Variants in CNTNAP3 observed in about 807,000 individuals in gnomAD.
CNTNAP3 encodes the protein contactin-associated protein-like 3.
CNTNAP3 carries 36 observed loss-of-function variants against 92.1 expected under a neutral mutation model. The observed-to-expected ratio is 0.39, with a 90% CI of 0.30 to 0.52. CNTNAP3 has a LOEUF of 0.52. CNTNAP3 is among the 20% of genes least tolerant of loss of function. CNTNAP3 has a pLI of 0.76. For missense variants in CNTNAP3, 534 were observed against 1,069.6 expected (o/e 0.50, Z 6.98); for synonymous variants, 232 against 422.3 (o/e 0.55, Z 5.53).
chr9:39,131,748 T>A (rs1821299143), intron 13 of CNTNAP3, among the ~76,000 whole-genome samples: 3 of 151,998 alleles, frequency 2.0e-5, no homozygotes, highest in Admixed American at 6.6e-5. Flanking sequence ...ATCGCTTGAA[T>A]CCGGGAGGGG....
intron 9 of CNTNAP3, chr9:39,154,886 A>G (rs1237042212): frequency 4.5e-6 from 1 of 223,666 alleles, no homozygotes. Context: ...GAAGACTAGC[A>G]GATCAGGCGG....
intron 1 of CNTNAP3, 66 bp downstream of exon 1, chr9:39,287,914 T>TATA: frequency 8.7e-6 from 2 of 228,824 alleles, no homozygotes; most frequent in Non-Finnish European, 1.6e-5. Flanking sequence ...TTACCGATAA[T>TATA]AAAAAAAAAA....
intron 9 of CNTNAP3, among the ~76,000 whole-genome samples, chr9:39,152,500 T>A (rs1821864163): frequency 6.8e-6 from 1 of 147,422 alleles, no homozygotes; most frequent in African/African-American, 2.6e-5. Context: ...CTTTGTATAA[T>A]TCTGCATCTC....
chr9:39,161,653 AAACAAT>A (rs1471213493), intron 9 of CNTNAP3, among the ~76,000 whole-genome samples: 1 of 98,926 alleles, frequency 1.0e-5, no homozygotes, highest in Non-Finnish European at 1.9e-5. Flanking sequence ...TCGTCTCTAC[AAACAAT>A]AATAATAATA....
intron 21 of CNTNAP3, among the ~76,000 whole-genome samples, chr9:39,084,366 T>C (rs1462019361): frequency 6.6e-6 from 1 of 151,844 alleles, no homozygotes; most frequent in Non-Finnish European, 1.5e-5. Flanking sequence ...CTAATTTTTT[T>C]TGTATTTTTA....
intron 11 of CNTNAP3, 133 bp downstream of exon 11, chr9:39,144,107 T>C (rs1821642366): frequency 1.4e-6 from 2 of 1,411,926 alleles, no homozygotes; most frequent in Non-Finnish European, 1.9e-6. Flanking sequence ...AAAAGTAAAC[T>C]AGAAATTGAG....
At chr9:39,100,735 C>T (rs1468506937) in intron 17 of CNTNAP3, among the ~76,000 whole-genome samples, 1 of 151,922 alleles carries the variant, frequency 6.6e-6, no homozygotes, top group East Asian at 1.9e-4. Flanking sequence ...CAGTGCTAAA[C>T]AGTAATTGAA....
At chr9:39,088,210 CAAACATGTA>C (rs1826107833) in intron 19 of CNTNAP3, among the ~76,000 whole-genome samples, 1 of 151,682 alleles carries the variant, frequency 6.6e-6, no homozygotes. Flanking sequence ...GTAAAATTAT[CAAACATGTA>C]ATGGGAGAAA....
intron 23 of CNTNAP3, among the ~76,000 whole-genome samples, chr9:39,077,993 G>A (rs1199077170): frequency 4.6e-5 from 7 of 152,108 alleles, no homozygotes; most frequent in Admixed American, 3.3e-4. Flanking sequence ...ATCACTTGAG[G>A]CCAGGAGTTC....
At chr9:39,128,255 G>T (rs1312593902) in intron 13 of CNTNAP3, among the ~76,000 whole-genome samples, 1 of 151,736 alleles carries the variant, frequency 6.6e-6, no homozygotes, top group African/African-American at 2.4e-5. Context: ...AGGCAGTATT[G>T]TCCTGATACT....
At chr9:39,144,451 G>C (rs922379586) in intron 10 of CNTNAP3, 105 bp from the exon 11 acceptor site, 2 of 1,479,140 alleles carry the variant, frequency 1.4e-6, no homozygotes, top group African/African-American at 2.8e-5. Context: ...TGAAAGAGCA[G>C]CATATGCAAG....
chr9:39,127,422 AGAG>A (rs1821176457), intron 13 of CNTNAP3, among the ~76,000 whole-genome samples: 2 of 152,194 alleles, frequency 1.3e-5, no homozygotes, highest in South Asian at 4.1e-4. Flanking sequence ...GAGATAACAA[AGAG>A]AAGAGCAGAT....
At chr9:39,152,414 T>G (rs1324341330) in intron 9 of CNTNAP3, among the ~76,000 whole-genome samples, 1 of 140,390 alleles carries the variant, frequency 7.1e-6, no homozygotes, top group Non-Finnish European at 1.5e-5. Context: ...AAATCTTTTA[T>G]ATTTTTATAT....
intron 14 of CNTNAP3, among the ~76,000 whole-genome samples, chr9:39,114,365 G>T (rs1259423478): frequency 6.6e-6 from 1 of 152,094 alleles, no homozygotes; most frequent in East Asian, 1.9e-4. Context: ...GATTACAGGC[G>T]TGAGCCATGG....
rs1461206699 is a variant in CNTNAP3 at position 39,254,032 on chromosome 9, T to C, written c.196+12864A>G. 1.5e-4 allele frequency among the ~76,000 whole-genome samples: 4 copies of C among 26,182 alleles called. 2 individuals are homozygous for C. Among genetic ancestry groups the C allele is most frequent in the Non-Finnish European group, 4.2e-4 (4 of 9,504 alleles). The allele number at this position is 26,182 out of a possible 152,430, so 17.2% of individuals were successfully genotyped here. ...TAAAATATGTGGAAACTTAGCAACT[T>C]TGAGCATCATAAAAAATAAATAGGA... On this transcript the variant is annotated intron_variant, in intron 2 of 23. Coordinates refer to ENST00000297668, the MANE Select transcript of CNTNAP3 (RefSeq NM_033655.5).
At chr9:39,080,917 G>A (rs544706008) in intron 21 of CNTNAP3, among the ~76,000 whole-genome samples, 1 of 139,450 alleles carries the variant, frequency 7.2e-6, no homozygotes, top group Non-Finnish European at 1.6e-5. Flanking sequence ...TGCCCACCTC[G>A]GCCTCCCAAA....
Position 39,073,027 on chromosome 9 carries a change from A to C in CNTNAP3, c.*863T>G, listed in dbSNP as rs1825662806. The C allele has an allele frequency of 6.5e-6, 1 of 152,752 alleles. No homozygotes were observed. The highest frequency in any genetic ancestry group is 2.4e-5 in the African/African-American group (1 of 41,486). 9.5% of individuals were successfully genotyped at this position (152,752 alleles called of 1,614,324 possible). ...TAAATTTAGTTAAAAACATAATCAC[A>C]AGTTACAAAAACTGTAATTACAAAT... On this transcript the variant is annotated 3_prime_UTR_variant, in exon 24 of 24. Transcript: ENST00000297668.
At chr9:39,134,854 G>A (rs192345112) in intron 12 of CNTNAP3, among the ~76,000 whole-genome samples, 1 of 152,188 alleles carries the variant, frequency 6.6e-6, no homozygotes, top group Non-Finnish European at 1.5e-5. Flanking sequence ...CATTGAAGAT[G>A]ATCAACCACA....
At chr9:39,103,272 G>T (rs1439256195) in intron 16 of CNTNAP3, among the ~76,000 whole-genome samples, 1 of 152,236 alleles carries the variant, frequency 6.6e-6, no homozygotes, top group East Asian at 1.9e-4. Context: ...ATGCTTCATT[G>T]TTTTATTTTC....
Sources: gnomAD v4.1 joint callset for allele counts (sites outside exome capture counted in the v4.1 genomes callset) on GRCh38, gnomAD v4.1.1 for gene constraint, MANE v1.5 for transcripts, NCBI Gene and HGNC (gene_info 2026-07-23, HGNC 2026-07-21) for gene names.